EPS15L1: variants seen among roughly 807,000 people sequenced by gnomAD.
EPS15L1 encodes the protein epidermal growth factor receptor substrate 15-like 1.
In EPS15L1, 43 loss-of-function variants were observed where a neutral mutation model predicts 117.1. The observed-to-expected ratio is 0.37, with a 90% CI of 0.29 to 0.47. The LOEUF (loss-of-function observed/expected upper bound fraction) is 0.47, where lower values mean the gene tolerates loss of function less well. Ranked by LOEUF, EPS15L1 falls within the 20% of genes least tolerant of loss-of-function variation. EPS15L1 has a pLI of 0.99. For missense variants in EPS15L1, 981 were observed against 1,164.0 expected, an observed-to-expected ratio of 0.84 and a Z score of 2.29; for synonymous variants, 459 against 470.5, an observed-to-expected ratio of 0.98 and a Z score of 0.32.
At chr19:16,449,261 A>G (rs925360817) in intron 1 of EPS15L1, among the ~76,000 whole-genome samples, 1 of 152,216 alleles carries the variant, frequency 6.6e-6, no homozygotes, top group African/African-American at 2.4e-5. Flanking sequence ...CAAACAAACA[A>G]ACAAACAAAC....
At chr19:16,396,605 A>G (rs937332623) in intron 16 of EPS15L1, among the ~76,000 whole-genome samples, 1 of 152,210 alleles carries the variant, frequency 6.6e-6, no homozygotes, top group African/African-American at 2.4e-5. Flanking sequence ...CTATTCTAAA[A>G]TAAAAGTTCA....
intron 19 of EPS15L1, among the ~76,000 whole-genome samples, chr19:16,390,498 C>A (rs1342000057): frequency 6.6e-6 from 1 of 152,094 alleles, no homozygotes. Context: ...CTATGAGGAA[C>A]CTCAACCTCA....
chr19:16,362,227 C>G (rs539113650), intron 22 of EPS15L1, among the ~76,000 whole-genome samples: 1 of 152,282 alleles, frequency 6.6e-6, no homozygotes, highest in African/African-American at 2.4e-5. Context: ...ACACAACGCA[C>G]ACAGAGCAGC....
chr19:16,395,274 G>A (rs2092528087), intron 17 of EPS15L1, 70 bp downstream of exon 17: 6 of 1,369,572 alleles, frequency 4.4e-6, no homozygotes, highest in South Asian at 1.4e-5. Context: ...TTTTCTAGTT[G>A]AAGAACCACT....
chr19:16,392,253 CCA>C, intron 19 of EPS15L1, 49 bp downstream of exon 19: 2 of 1,609,504 alleles, frequency 1.2e-6, no homozygotes, highest in Non-Finnish European at 1.7e-6. Context: ...GCCACCCTTA[CCA>C]CACAGAGCAG....
upstream of EPS15L1, chr19:16,472,008 G>A: frequency 8.2e-7 from 1 of 1,212,726 alleles, no homozygotes; most frequent in Non-Finnish European, 1.0e-6. Flanking sequence ...CCACGCGTGC[G>A]CACTGGGACG....
At chr19:16,402,621 A>C in intron 15 of EPS15L1, 136 bp from the exon 16 acceptor site, 1 of 789,916 alleles carries the variant, frequency 1.3e-6, no homozygotes, top group Admixed American at 3.5e-5. Context: ...AGCTCACTGT[A>C]GCCTTGAGCT....
At chr19:16,386,038 G>T in intron 20 of EPS15L1, 133 bp downstream of exon 20, 2 of 713,350 alleles carry the variant, frequency 2.8e-6, no homozygotes, top group Non-Finnish European at 4.9e-6. Flanking sequence ...GCTCAGGCCA[G>T]GATCTGGGTG....
rs576806551 is a variant in EPS15L1, at chr19:16,375,217, C to A, written c.2380+1905G>T. 1.7e-4 allele frequency among the ~76,000 whole-genome samples: 26 copies of A among 152,284 alleles called. No homozygotes were observed. In the South Asian group the frequency reaches 2.5e-3, roughly 15 times the overall value. On this transcript the variant is annotated intron_variant, in intron 22 of 23. Coordinates refer to ENST00000455140, the MANE Select transcript of EPS15L1 (RefSeq NM_001258374.3). ...GCATATGCGTACATGCAGGCACATG[C>A]GAGAATACTCATGTGATGCAGTATG...
chr19:16,374,847 G>A (rs1316708651), intron 22 of EPS15L1, among the ~76,000 whole-genome samples: 2 of 152,254 alleles, frequency 1.3e-5, no homozygotes, highest in East Asian at 1.9e-4. Context: ...ATGCCCGGGT[G>A]TGTATGAGCA....
intron 16 of EPS15L1, among the ~76,000 whole-genome samples, chr19:16,398,584 G>T (rs987595931): frequency 6.6e-6 from 1 of 152,228 alleles, no homozygotes; most frequent in African/African-American, 2.4e-5. Context: ...AAGAAAGAGA[G>T]GAATCATGAC....
At chr19:16,363,436 G>A (rs996694386) in intron 22 of EPS15L1, among the ~76,000 whole-genome samples, 1 of 152,024 alleles carries the variant, frequency 6.6e-6, no homozygotes. Flanking sequence ...TCATCCGGTA[G>A]AACGAGCCCA....
intron 10 of EPS15L1, among the ~76,000 whole-genome samples, chr19:16,420,194 G>A (rs2092800333): frequency 6.6e-6 from 1 of 152,276 alleles, no homozygotes; most frequent in South Asian, 2.1e-4. Flanking sequence ...CCCCTTTGCT[G>A]CCCGCATGGA....
intron 7 of EPS15L1, among the ~76,000 whole-genome samples, chr19:16,433,951 A>G (rs1369049325): frequency 6.6e-6 from 1 of 151,140 alleles, no homozygotes; most frequent in Non-Finnish European, 1.5e-5. Flanking sequence ...CAACAGAGCA[A>G]GACTCCATCT....
intron 16 of EPS15L1, among the ~76,000 whole-genome samples, chr19:16,397,099 T>A (rs755200289): frequency 5.9e-5 from 9 of 152,090 alleles, no homozygotes; most frequent in Non-Finnish European, 1.2e-4. Flanking sequence ...CTTTCTTTTT[T>A]TTTTTCTGAG....
At chr19:16,403,702 C>A (rs1024200019) in intron 15 of EPS15L1, 31 bp downstream of exon 15, 5 of 1,599,516 alleles carry the variant, frequency 3.1e-6, no homozygotes, top group Non-Finnish European at 2.6e-6. Context: ...TGGTCCCTGG[C>A]ATGTGGCAGG....
chr19:16,362,850 T>G (rs980800130), intron 22 of EPS15L1, among the ~76,000 whole-genome samples: 1 of 152,092 alleles, frequency 6.6e-6, no homozygotes. Flanking sequence ...CCTCTGGTGT[T>G]GGTGGCTCCA....
intron 7 of EPS15L1, among the ~76,000 whole-genome samples, chr19:16,431,014 G>A (rs540544013): frequency 1.3e-5 from 2 of 152,172 alleles, no homozygotes; most frequent in East Asian, 2.0e-4. Context: ...CAAGGCAGGC[G>A]GATCACCTGA....
In EPS15L1 at chr19:16,370,767, C is replaced by G. The variant is rs528087661; in HGVS notation, c.2380+6355G>C. Among the ~76,000 whole-genome samples the G allele has an allele frequency of 1.3e-5, 2 of 152,218 alleles. No homozygotes were observed. Among genetic ancestry groups the G allele is most frequent in the East Asian group, 3.8e-4 (2 of 5,202 alleles). On this transcript the variant is annotated intron_variant, in intron 22 of 23. Transcript: ENST00000455140. This position sits in a 1 kb window ranked among gnomAD's most constrained non-coding sequence, Gnocchi z 5.2. ...CTCAGAGTGGGACCGTTCCTTGGCA[C>G]CGTCAGCAGGTCCCACCCAGCCCTA...
Sources: allele counts gnomAD v4.1 joint callset (sites outside exome capture counted in the v4.1 genomes callset), GRCh38; gene constraint gnomAD v4.1.1; non-coding constraint Gnocchi (gnomAD v3.1); transcripts MANE v1.5; gene names NCBI Gene and HGNC (gene_info 2026-07-23, HGNC 2026-07-21).